NFAM1: variants seen among roughly 807,000 people sequenced by gnomAD.
NFAM1 encodes NFAT activation molecule 1.
NFAM1 carries 17 observed loss-of-function variants against 29.0 expected under a neutral mutation model. The observed-to-expected ratio is 0.59, with a 90% CI of 0.40 to 0.88. NFAM1 has a LOEUF of 0.88. Among genes scored for constraint, NFAM1 ranks in the 40% least tolerant of loss-of-function variants. The probability of loss-of-function intolerance (pLI) is 0.00; values close to 1 mark genes in which losing one functional copy is unlikely to be tolerated. For synonymous variants in NFAM1, 175 were observed against 147.2 expected (o/e 1.19, Z -1.36); for missense variants, 324 against 344.6 (o/e 0.94, Z 0.47).
At chr22:42,389,025 A>G (rs1038560959) in intron 4 of NFAM1, among the ~76,000 whole-genome samples, 5 of 151,700 alleles carry the variant, frequency 3.3e-5, no homozygotes, top group African/African-American at 1.2e-4. Context: ...CCAACCCTCC[A>G]CCCACCCAGG....
intron 1 of NFAM1, among the ~76,000 whole-genome samples, chr22:42,418,440 C>T (rs1930330988): frequency 6.6e-6 from 1 of 152,148 alleles, no homozygotes; most frequent in Non-Finnish European, 1.5e-5. Context: ...CCTATTAACC[C>T]CAGCACTTTG....
intron 2 of NFAM1, chr22:42,410,496 T>A (rs1047746712): frequency 2.7e-6 from 1 of 376,488 alleles, no homozygotes; most frequent in Non-Finnish European, 5.4e-6. Context: ...TTGTCTCTAT[T>A]AAAAATACAA....
At chr22:42,391,290 T>C (rs965889462) in intron 4 of NFAM1, among the ~76,000 whole-genome samples, 7 of 147,862 alleles carry the variant, frequency 4.7e-5, no homozygotes, top group Admixed American at 1.4e-4. Flanking sequence ...CAGAGGGCCA[T>C]GATCTGTCGA....
In NFAM1 at chr22:42,385,123, C is replaced by T. The variant is rs752404877; in HGVS notation, c.*38G>A. 18 of 1,560,342 alleles carry T rather than the reference C, an allele frequency of 1.2e-5. No homozygotes were observed. The highest frequency in any genetic ancestry group is 1.7e-5 in the Admixed American group (1 of 59,940). On this transcript the variant is annotated 3_prime_UTR_variant, in exon 6 of 6. Coordinates refer to ENST00000329021, the MANE Select transcript of NFAM1 (RefSeq NM_145912.8). ...TGGTGGCAGGGGCTGCCCCGGTCCT[C>T]TGACCCAGGGCAAGCTCTATGAGCG...
In NFAM1 at chr22:42,390,958, G is replaced by A. The variant is rs1216039332; in HGVS notation, c.664-3880C>T. On this transcript the variant is annotated intron_variant, in intron 4 of 5. Transcript: ENST00000329021. ...AGGGGAACCTCTGCAGGACCGTGGCGGTCGTAAGAACTGCTTCACAGACCT... is the reference window on the plus strand; with the variant it reads ...AGGGGAACCTCTGCAGGACCGTGGCAGTCGTAAGAACTGCTTCACAGACCT... Among the ~76,000 whole-genome samples the A allele has an allele frequency of 4.6e-5, 7 of 152,254 alleles. 1 individual carries two copies. Among genetic ancestry groups the A allele is most frequent in the Middle Eastern group, 6.8e-3 (2 of 294 alleles).
At chr22:42,417,684 G>A (rs937842634) in intron 1 of NFAM1, among the ~76,000 whole-genome samples, 1 of 152,164 alleles carries the variant, frequency 6.6e-6, no homozygotes, top group African/African-American at 2.4e-5. Context: ...TGCTGCAGGG[G>A]CAGGGAGTTT....
chr22:42,398,741 C>A (rs1170418744), intron 3 of NFAM1, among the ~76,000 whole-genome samples: 2 of 152,136 alleles, frequency 1.3e-5, no homozygotes, highest in Admixed American at 1.3e-4. Flanking sequence ...AGCAATAACC[C>A]TCTTTTGTGA....
Position 42,385,002 on chromosome 22 carries a change from G to T in NFAM1, c.*159C>A, listed in dbSNP as rs116718035. The T allele has an allele frequency of 2.9e-6, 2 of 698,000 alleles. No homozygotes were observed. Among genetic ancestry groups the T allele is most frequent in the East Asian group, 4.9e-5 (2 of 40,496 alleles). 43.2% of individuals were successfully genotyped at this position (698,000 alleles called of 1,614,324 possible). On this transcript the variant is annotated 3_prime_UTR_variant, in exon 6 of 6. Transcript: ENST00000329021. Reference sequence around the variant, plus strand: ...GGTGGTTGGGGCATAGAATGGGGGGGCAGTGGGGCCGGCCAAGACAGGAAG... The same window carrying T: ...GGTGGTTGGGGCATAGAATGGGGGGTCAGTGGGGCCGGCCAAGACAGGAAG...
intron 3 of NFAM1, among the ~76,000 whole-genome samples, chr22:42,402,324 A>T (rs1263263732): frequency 6.6e-6 from 1 of 152,156 alleles, no homozygotes; most frequent in Non-Finnish European, 1.5e-5. Flanking sequence ...TGGACGCATG[A>T]GGTGGCGGCA....
At chr22:42,393,881 T>A (rs926307914) in intron 4 of NFAM1, among the ~76,000 whole-genome samples, 1 of 152,182 alleles carries the variant, frequency 6.6e-6, no homozygotes, top group African/African-American at 2.4e-5. Flanking sequence ...TTTAATCCTT[T>A]TGAATTTTTT....
chr22:42,394,705 TA>T (rs959115005), intron 4 of NFAM1, among the ~76,000 whole-genome samples: 5 of 151,878 alleles, frequency 3.3e-5, no homozygotes, highest in East Asian at 1.9e-4. Flanking sequence ...GACTATATTT[TA>T]AAAAAAACCT....
Position 42,429,932 on chromosome 22 carries a change from C to T in NFAM1, c.121+2305G>A, listed in dbSNP as rs142899553. Reference sequence around the variant, plus strand: ...AAGGCAGGGGTGTGACATGGAGTGACAGATAGATGAAGGGGGATGCACAGG... The same window carrying T: ...AAGGCAGGGGTGTGACATGGAGTGATAGATAGATGAAGGGGGATGCACAGG... On this transcript the variant is annotated intron_variant, in intron 1 of 5. Coordinates refer to ENST00000329021, the MANE Select transcript of NFAM1 (RefSeq NM_145912.8). 2.1e-3 allele frequency among the ~76,000 whole-genome samples: 320 copies of T among 152,274 alleles called. 9 individuals are homozygous for T. In the East Asian group the frequency reaches 0.06, roughly 29 times the overall value.
chr22:42,397,957 C>T lies in NFAM1; in HGVS notation c.565-1G>A. ...CCTTCCCTGGACCCCGCATCCGCTT[C>T]TGTAGGGAGAAAGGAGTCAGGGCCA... is the stretch of plus-strand genomic sequence containing the variant. On this transcript the variant is annotated splice_acceptor_variant, in intron 3 of 5. Coordinates refer to ENST00000329021, the MANE Select transcript of NFAM1 (RefSeq NM_145912.8). LOFTEE classifies it high-confidence loss of function. 5 of 1,575,096 alleles carry T rather than the reference C, an allele frequency of 3.2e-6. No homozygotes were observed. The highest frequency in any genetic ancestry group is 4.3e-6 in the Non-Finnish European group (5 of 1,152,616).
At chr22:42,427,731 G>A (rs1220029991) in intron 1 of NFAM1, among the ~76,000 whole-genome samples, 2 of 151,986 alleles carry the variant, frequency 1.3e-5, no homozygotes, top group African/African-American at 4.8e-5. Flanking sequence ...AAAGAAGCGG[G>A]TCACCGGAGA....
At chr22:42,402,831 C>CTTCTTTT (rs1555970270) in intron 3 of NFAM1, among the ~76,000 whole-genome samples, 17 of 97,120 alleles carry the variant, frequency 1.8e-4, no homozygotes, top group African/African-American at 7.9e-4. Flanking sequence ...TCTGTGCCTT[C>CTTCTTTT]TTTTTTTTTT....
At chr22:42,413,605 GC>G (rs1268398597) in intron 1 of NFAM1, among the ~76,000 whole-genome samples, 2 of 151,744 alleles carry the variant, frequency 1.3e-5, no homozygotes, top group African/African-American at 4.8e-5. Flanking sequence ...GTGAAACCCC[GC>G]CTCTACTAAA....
At chr22:42,417,768 G>T (rs575198172) in intron 1 of NFAM1, among the ~76,000 whole-genome samples, 2 of 152,146 alleles carry the variant, frequency 1.3e-5, no homozygotes, top group Non-Finnish European at 2.9e-5. Flanking sequence ...AGGGAGAGGG[G>T]AGAGGGCACC....
At chr22:42,417,840 G>A (rs1396748832) in intron 1 of NFAM1, among the ~76,000 whole-genome samples, 1 of 152,166 alleles carries the variant, frequency 6.6e-6, no homozygotes, top group East Asian at 1.9e-4. Flanking sequence ...ATCAGAGGCA[G>A]GGTTGCCACA....
Position 42,411,517 on chromosome 22 carries a change from C to A in NFAM1, c.341G>T (p.Cys114Phe). The A allele has an allele frequency of 1.2e-6, 2 of 1,614,194 alleles. No individual in the cohort carries two copies. The highest frequency in any genetic ancestry group is 2.2e-5 in the East Asian group (1 of 44,890). ...TCCCGGCAGCACAAGGGTGACCTGG[C>A]AGTCCAGGGTGTGGCTCTGGTTCTC... ...GTENQSHTLD[C>F]QVTLVLPGAS... Residue 114 changes from cysteine to phenylalanine, a missense_variant, in exon 2 of 6, where the codon TGC (cysteine) becomes TTC (phenylalanine). Physicochemically the swap from Cys to Phe is radical, Grantham distance 205. Coordinates refer to ENST00000329021, the MANE Select transcript of NFAM1 (RefSeq NM_145912.8).
Sources: allele counts gnomAD v4.1 joint callset (sites outside exome capture counted in the v4.1 genomes callset), GRCh38; gene constraint gnomAD v4.1.1; transcripts MANE v1.5; gene names NCBI Gene and HGNC (gene_info 2026-07-23, HGNC 2026-07-21).